PCDHA5: variants seen among roughly 807,000 people sequenced by gnomAD.
The protein encoded by PCDHA5 is protocadherin alpha 5.
A neutral mutation model predicts 61.6 loss-of-function variants in PCDHA5; 43 were observed. The observed-to-expected ratio is 0.70, with a 90% CI of 0.55 to 0.90. The LOEUF (loss-of-function observed/expected upper bound fraction) is 0.90, where lower values mean the gene tolerates loss of function less well. Ranked by LOEUF, PCDHA5 falls within the 40% of genes least tolerant of loss-of-function variation. The pLI is 0.00. For missense variants in PCDHA5, 1,298 were observed against 1,222.7 expected (o/e 1.06, Z -0.92); for synonymous variants, 627 against 543.9 (o/e 1.15, Z -2.13).
intron 1 of PCDHA5, among the ~76,000 whole-genome samples, chr5:140,902,816 G>A (rs1447534950): frequency 6.6e-6 from 1 of 150,906 alleles, no homozygotes; most frequent in Non-Finnish European, 1.5e-5. Flanking sequence ...TACAATATTT[G>A]GTTTTCGATT....
At chr5:140,855,988 C>T (rs1554148065) in intron 1 of PCDHA5, 4 of 1,481,966 alleles carry the variant, frequency 2.7e-6, no homozygotes, top group African/African-American at 1.4e-5. Flanking sequence ...CAGAAAATGT[C>T]AGATCGTATG....
chr5:140,923,275 CA>C (rs1328074482), intron 1 of PCDHA5, among the ~76,000 whole-genome samples: 2 of 152,128 alleles, frequency 1.3e-5, no homozygotes, highest in Admixed American at 1.3e-4. Context: ...CTTGTCTCTA[CA>C]AAAAATTAAA....
rs140234108 is a variant in PCDHA5, at chr5:140,845,054, G to A, written c.2352+20927G>A. 4.2e-4 allele frequency among the ~76,000 whole-genome samples: 62 copies of A among 149,352 alleles called. 3 individuals are homozygous for A. The highest frequency in any genetic ancestry group is 7.5e-4 in the Non-Finnish European group (50 of 66,646). ...ATTTTAGCCCCCTTGTCCAACTGAA[G>A]GTAACCTCAAAGCAGCATTGTTTTG... On this transcript the variant is annotated intron_variant, in intron 1 of 3. Transcript: ENST00000529859.
intron 1 of PCDHA5, among the ~76,000 whole-genome samples, chr5:140,886,246 A>G (rs1337527671): frequency 1.3e-5 from 2 of 152,144 alleles, no homozygotes; most frequent in Admixed American, 1.3e-4. Flanking sequence ...AAATAAATAA[A>G]AGTATCTCTA....
intron 1 of PCDHA5, chr5:140,877,743 G>A: frequency 6.2e-7 from 1 of 1,614,148 alleles, no homozygotes; most frequent in Non-Finnish European, 8.5e-7. Context: ...GGAGGCAGAG[G>A]GTGTGCTCTG....
At chr5:140,826,118 A>C (rs1008758273) in intron 1 of PCDHA5, among the ~76,000 whole-genome samples, 37 of 152,206 alleles carry the variant, frequency 2.4e-4, no homozygotes, top group African/African-American at 8.4e-4. Context: ...ATATATTCCT[A>C]ATATCCTGAG....
intron 1 of PCDHA5, chr5:140,834,377 A>C (rs1445346495): frequency 1.3e-6 from 2 of 1,562,428 alleles, no homozygotes; most frequent in Admixed American, 2.0e-5. Flanking sequence ...CAAGCCAATA[A>C]TTTGAAATGG....
intron 1 of PCDHA5, among the ~76,000 whole-genome samples, chr5:140,827,112 A>G (rs768738811): frequency 2.0e-5 from 3 of 152,224 alleles, no homozygotes; most frequent in Non-Finnish European, 4.4e-5. Context: ...TGTATAGGTG[A>G]AAGTGACAAT....
At chr5:140,973,720 A>G (rs781883210) in intron 1 of PCDHA5, among the ~76,000 whole-genome samples, 1 of 152,194 alleles carries the variant, frequency 6.6e-6, no homozygotes, top group Non-Finnish European at 1.5e-5. Flanking sequence ...GAGCCATCAC[A>G]TGGGCATCTG....
At chr5:140,898,467 T>G (rs576206648) in intron 1 of PCDHA5, among the ~76,000 whole-genome samples, 147 of 152,296 alleles carry the variant, frequency 9.7e-4, no homozygotes, top group Non-Finnish European at 1.9e-3. Flanking sequence ...CATTGCTTGT[T>G]TTTCTCAGGT....
At chr5:140,836,003 G>C (rs1456412206) in intron 1 of PCDHA5, 7 of 1,613,210 alleles carry the variant, frequency 4.3e-6, no homozygotes, top group East Asian at 2.2e-5. Flanking sequence ...CGCGCGATGC[G>C]GGCGTGCCGC....
intron 1 of PCDHA5, among the ~76,000 whole-genome samples, chr5:140,885,974 T>C (rs2060795303): frequency 6.6e-6 from 1 of 152,200 alleles, no homozygotes; most frequent in Admixed American, 6.5e-5. Flanking sequence ...GAGATAATTA[T>C]AGATTCGCAT....
chr5:141,004,461 A>C (rs1160733381), intron 3 of PCDHA5, among the ~76,000 whole-genome samples: 1 of 152,216 alleles, frequency 6.6e-6, no homozygotes, highest in Non-Finnish European at 1.5e-5. Context: ...CAGGAAGCTC[A>C]GTGACATGTT....
At chr5:140,890,313 G>T (rs1191082730) in intron 1 of PCDHA5, among the ~76,000 whole-genome samples, 2 of 152,112 alleles carry the variant, frequency 1.3e-5, no homozygotes, top group South Asian at 2.1e-4. Context: ...ATATTAAGTT[G>T]TTTTAAGATA....
At chr5:140,948,735 A>C (rs756182090) in intron 1 of PCDHA5, among the ~76,000 whole-genome samples, 3 of 151,562 alleles carry the variant, frequency 2.0e-5, no homozygotes, top group Non-Finnish European at 4.4e-5. Flanking sequence ...AGTCTAGCTG[A>C]GAATTTATCA....
At chr5:140,880,512 C>T (rs1296325164) in intron 1 of PCDHA5, among the ~76,000 whole-genome samples, 4 of 152,314 alleles carry the variant, frequency 2.6e-5, no homozygotes, top group South Asian at 4.1e-4. Flanking sequence ...TGTTTGGTCA[C>T]ATCTCTCAAT....
chr5:140,870,198 C>A, intron 1 of PCDHA5: 2 of 1,614,172 alleles, frequency 1.2e-6, no homozygotes, highest in Non-Finnish European at 1.7e-6. Flanking sequence ...CTCAGCCCAG[C>A]ACGGTCATTG....
chr5:140,899,162 C>T (rs1237064232), intron 1 of PCDHA5, among the ~76,000 whole-genome samples: 31 of 152,224 alleles, frequency 2.0e-4, no homozygotes, highest in African/African-American at 7.2e-4. Flanking sequence ...TTCCTCTTTT[C>T]CTAATTGAAT....
chr5:140,829,373 C>T (rs1202815393), intron 1 of PCDHA5: 3 of 1,614,082 alleles, frequency 1.9e-6, no homozygotes, highest in South Asian at 1.1e-5. Context: ...GGTAACCGCG[C>T]GGGACGGGGG....
Sources: gnomAD v4.1 joint callset for allele counts (sites outside exome capture counted in the v4.1 genomes callset) on GRCh38, gnomAD v4.1.1 for gene constraint, MANE v1.5 for transcripts, NCBI Gene and HGNC (gene_info 2026-07-23, HGNC 2026-07-21) for gene names.